Variants in KSR1 observed in about 807,000 individuals in gnomAD.
KSR1 encodes the protein kinase suppressor of ras 1.
Under a neutral mutation model 92.9 loss-of-function variants are expected in KSR1, and 35 were observed. The ratio of observed to expected loss-of-function variants is 0.38; its 90% CI spans 0.29 to 0.50. The LOEUF (loss-of-function observed/expected upper bound fraction) is 0.50. Ranked by LOEUF, KSR1 falls within the 20% of genes least tolerant of loss-of-function variation. KSR1 has a pLI of 0.94. For synonymous variants in KSR1, 467 were observed against 472.6 expected (o/e 0.99, Z 0.15); for missense variants, 972 against 1,158.5 (o/e 0.84, Z 2.34).
Position 27,500,650 on chromosome 17 carries a change from C to T in KSR1, c.231+43776C>T, listed in dbSNP as rs190721894. ...TTTTAAAGTTCTAAAAGTAGCGTTACGACAACTGAAAATTTGGGAGAAATT... is the reference window on the plus strand; with the variant it reads ...TTTTAAAGTTCTAAAAGTAGCGTTATGACAACTGAAAATTTGGGAGAAATT... On this transcript the variant is annotated intron_variant, in intron 1 of 20. Coordinates refer to ENST00000644974, the MANE Select transcript of KSR1 (RefSeq NM_001394583.1). Among the ~76,000 whole-genome samples, 146 of 152,254 alleles carry T rather than the reference C, an allele frequency of 9.6e-4. 1 individual carries two copies. The highest frequency in any genetic ancestry group is 4.5e-3 in the Admixed American group (69 of 15,286).
intron 1 of KSR1, among the ~76,000 whole-genome samples, chr17:27,493,289 A>G (rs2068880791): frequency 6.6e-6 from 1 of 152,246 alleles, no homozygotes; most frequent in African/African-American, 2.4e-5. Context: ...TGGAGTCCTC[A>G]GTCTTAGTTA....
At chr17:27,483,125 T>A (rs2068558082) in intron 1 of KSR1, among the ~76,000 whole-genome samples, 1 of 152,172 alleles carries the variant, frequency 6.6e-6, no homozygotes, top group African/African-American at 2.4e-5. Flanking sequence ...AAAATAGATT[T>A]TTTTTTTCAA....
At chr17:27,506,239 C>CT (rs974408645) in intron 1 of KSR1, among the ~76,000 whole-genome samples, 1 of 152,166 alleles carries the variant, frequency 6.6e-6, no homozygotes, top group African/African-American at 2.4e-5. Context: ...TCAGTGTGGC[C>CT]TTGGCCCCTT....
intron 1 of KSR1, among the ~76,000 whole-genome samples, chr17:27,475,019 G>A (rs2068297075): frequency 6.6e-6 from 1 of 152,234 alleles, no homozygotes; most frequent in Non-Finnish European, 1.5e-5. Context: ...ATAATTTAAA[G>A]TGAGGGGTCA....
chr17:27,604,836 G>A (rs546217258), intron 13 of KSR1, 108 bp downstream of exon 13: 12 of 1,139,290 alleles, frequency 1.1e-5, no homozygotes, highest in Non-Finnish European at 1.6e-5. Context: ...ACTTTGGCAA[G>A]GGCTGTCCCA....
At chr17:27,491,449 C>CA (rs2068829194) in intron 1 of KSR1, among the ~76,000 whole-genome samples, 1 of 151,868 alleles carries the variant, frequency 6.6e-6, no homozygotes. Context: ...CTTGGCCTCC[C>CA]AAAGTGCTGG....
intron 1 of KSR1, chr17:27,526,688 C>G (rs1372742657): frequency 8.5e-6 from 13 of 1,525,658 alleles, no homozygotes; most frequent in Non-Finnish European, 1.2e-5. Context: ...GGCTGTTATT[C>G]TGACAGCTGA....
At chr17:27,554,704 G>A (rs2151099299) in intron 2 of KSR1, among the ~76,000 whole-genome samples, 1 of 152,306 alleles carries the variant, frequency 6.6e-6, no homozygotes, top group African/African-American at 2.4e-5. Flanking sequence ...ATAGAATAAA[G>A]TGCATGATAA....
chr17:27,582,146 C>G (rs1207891915), intron 3 of KSR1, among the ~76,000 whole-genome samples: 1 of 152,176 alleles, frequency 6.6e-6, no homozygotes, highest in African/African-American at 2.4e-5. Flanking sequence ...CATAAGAGCC[C>G]TGCACGAGCC....
chr17:27,551,624 T>C (rs2071400871), intron 2 of KSR1, among the ~76,000 whole-genome samples: 1 of 152,130 alleles, frequency 6.6e-6, no homozygotes, highest in Non-Finnish European at 1.5e-5. Flanking sequence ...GACTGTCCTG[T>C]AAGGTAGTCA....
chr17:27,620,474 T>C (rs1166388232), intron 19 of KSR1, among the ~76,000 whole-genome samples: 1 of 152,212 alleles, frequency 6.6e-6, no homozygotes, highest in Admixed American at 6.5e-5. Flanking sequence ...AGGAACATTA[T>C]AGTTGGGCAC....
chr17:27,526,272 A>G lies in KSR1; in HGVS notation c.232-24296A>G, dbSNP rs760785985. ...TGAAGGAATTCTTAAGTTAGTGACTACTACCACTCAAATTTTCCTAGTTGT... is the reference window on the plus strand; with the variant it reads ...TGAAGGAATTCTTAAGTTAGTGACTGCTACCACTCAAATTTTCCTAGTTGT... On this transcript the variant is annotated intron_variant, in intron 1 of 20. Transcript: ENST00000644974. 6 of 669,656 alleles carry G rather than the reference A, an allele frequency of 9.0e-6. No homozygotes were observed. The South Asian group carries it at 9.8e-5, about 11-fold the overall frequency. 41.5% of individuals were successfully genotyped at this position (669,656 alleles called of 1,614,324 possible).
rs1371801611 is a variant in KSR1 at position 27,616,634 on chromosome 17, C to T, written c.2494-661C>T. On this transcript the variant is annotated intron_variant, in intron 18 of 20. Coordinates refer to ENST00000644974, the MANE Select transcript of KSR1 (RefSeq NM_001394583.1). ...TATTTAAGAGCAAAAGCCTGAGTTGCTGAGTCTGTGTGGGTGTATGTGTCC... is the reference window on the plus strand; with the variant it reads ...TATTTAAGAGCAAAAGCCTGAGTTGTTGAGTCTGTGTGGGTGTATGTGTCC... Among the ~76,000 whole-genome samples the T allele has an allele frequency of 2.6e-5, 4 of 152,160 alleles. No individual in the cohort carries two copies. The East Asian group carries it at 5.8e-4, about 22-fold the overall frequency.
At chr17:27,568,577 G>A (rs1407972860) in intron 2 of KSR1, among the ~76,000 whole-genome samples, 1 of 152,192 alleles carries the variant, frequency 6.6e-6, no homozygotes, top group African/African-American at 2.4e-5. Flanking sequence ...GGGAGGGGGA[G>A]CAGTAAAGAT....
intron 1 of KSR1, among the ~76,000 whole-genome samples, chr17:27,470,431 AG>A (rs965678446): frequency 2.5e-4 from 38 of 151,950 alleles, no homozygotes; most frequent in African/African-American, 8.9e-4. Context: ...TAGTAGAGAC[AG>A]GGTTTCACCA....
intron 1 of KSR1, among the ~76,000 whole-genome samples, chr17:27,472,403 T>G (rs1246629196): frequency 6.6e-6 from 1 of 152,232 alleles, no homozygotes; most frequent in African/African-American, 2.4e-5. Context: ...TGGAGGAGGC[T>G]GAATGACTCA....
At chr17:27,552,105 G>A (rs940706646) in intron 2 of KSR1, among the ~76,000 whole-genome samples, 1 of 152,050 alleles carries the variant, frequency 6.6e-6, no homozygotes, top group Admixed American at 6.6e-5. Context: ...TGTTGTCACC[G>A]CCTCCAGGCA....
chr17:27,582,768 C>A lies in KSR1; in HGVS notation c.643C>A (p.Leu215Met). 6.2e-7 allele frequency: 1 copy of A among 1,613,818 alleles called. No individual in the cohort carries two copies. The highest frequency in any genetic ancestry group is 8.5e-7 in the Non-Finnish European group (1 of 1,179,826). Reference protein sequence around the residue: ...SLPWPPGSSQLGRAGNSAQGP... With the variant: ...SLPWPPGSSQMGRAGNSAQGP... The stretch of plus-strand genomic sequence containing the variant: ...GCCCTGGCCCCCAGGGAGCTCCCAG[C>A]TGGGCAGAGCAGGCAACAGCGCCCA... Residue 215 changes from leucine (L) to methionine (M), a missense_variant, in exon 4 of 21, where the codon CTG becomes ATG. Physicochemically the swap from Leu to Met is conservative, Grantham distance 15 (BLOSUM62 2). Coordinates refer to ENST00000644974, the MANE Select transcript of KSR1 (RefSeq NM_001394583.1).
At chr17:27,568,552 G>A (rs995893054) in intron 2 of KSR1, among the ~76,000 whole-genome samples, 1 of 152,202 alleles carries the variant, frequency 6.6e-6, no homozygotes, top group Non-Finnish European at 1.5e-5. Context: ...TGGTGTGTCC[G>A]AGCAGGGGAG....
Sources: gnomAD v4.1 joint callset for allele counts (sites outside exome capture counted in the v4.1 genomes callset) on GRCh38, gnomAD v4.1.1 for gene constraint, MANE v1.5 for transcripts, NCBI Gene and HGNC (gene_info 2026-07-23, HGNC 2026-07-21) for gene names.